ZNF609: variants seen among roughly 807,000 people sequenced by gnomAD.
The protein encoded by ZNF609 is zinc finger protein 609.
In ZNF609, 11 loss-of-function variants were observed where a neutral mutation model predicts 109.5. The observed-to-expected ratio is 0.10, with a 90% CI of 0.06 to 0.17. The LOEUF is 0.17. ZNF609 is among the 10% of genes least tolerant of loss of function. The probability of loss-of-function intolerance (pLI) is 1.00; values close to 1 mark genes in which losing one functional copy is unlikely to be tolerated. For missense variants in ZNF609, 1,559 were observed against 1,772.4 expected (o/e 0.88, Z 2.16); for synonymous variants, 646 against 662.0 (o/e 0.98, Z 0.37).
intron 2 of ZNF609, among the ~76,000 whole-genome samples, chr15:64,607,158 T>C (rs1218829857): frequency 7.6e-6 from 1 of 131,602 alleles, no homozygotes; most frequent in African/African-American, 2.8e-5. Context: ...AATAAATAAA[T>C]AAAGTAAAAA....
At chr15:64,541,038 A>C (rs1420851186) in intron 2 of ZNF609, among the ~76,000 whole-genome samples, 3 of 150,002 alleles carry the variant, frequency 2.0e-5, no homozygotes, top group Admixed American at 6.7e-5. Flanking sequence ...AAAAAAAAAA[A>C]AAAAAAAAAC....
At chr15:64,578,625 G>T (rs1197726318) in intron 2 of ZNF609, among the ~76,000 whole-genome samples, 1 of 152,154 alleles carries the variant, frequency 6.6e-6, no homozygotes, top group Non-Finnish European at 1.5e-5. Context: ...CCCGGGAGGT[G>T]GAGGTTGCAG....
rs1896772344 is a variant in ZNF609 at position 64,674,004 on chromosome 15, A to G, written c.1150A>G (p.Asn384Asp). 6.2e-7 allele frequency: 1 copy of G among 1,614,046 alleles called. No individual in the cohort carries two copies. The highest frequency in any genetic ancestry group is 8.5e-7 in the Non-Finnish European group (1 of 1,180,034). The change falls in exon 5 of 10, where the codon AAT becomes GAT. Residue 384 changes from asparagine to aspartate, a missense_variant. Around this residue, in one of 4 missense-constraint regions of ZNF609, gnomAD observed 1,204 missense variants for 1,314.1 expected, o/e 0.92. Transcript: ENST00000326648. Reference protein sequence around the residue: ...RMRPNSNTPVNETATASDSKG... With the variant: ...RMRPNSNTPVDETATASDSKG... ...GCGTCCCAACAGTAATACACCTGTC[A>G]ATGAGACAGCCACAGCCTCTGACAG...
chr15:64,679,074 T>G (rs1414028473), intron 6 of ZNF609, among the ~76,000 whole-genome samples: 1 of 152,184 alleles, frequency 6.6e-6, no homozygotes. Context: ...AAATGTTTTT[T>G]GTTTGTTTGT....
At position 64,674,691 on chromosome 15, in the gene ZNF609, C is replaced by T; in HGVS notation, c.1837C>T (p.Pro613Ser). The T allele has an allele frequency of 3.7e-6, 6 of 1,614,050 alleles. No individual in the cohort carries two copies. The highest frequency in any genetic ancestry group is 5.1e-6 in the Non-Finnish European group (6 of 1,180,032). The change falls in exon 5 of 10, where the codon CCC becomes TCC. Residue 613 changes from proline (P) to serine (S), a missense_variant. Coordinates refer to ENST00000326648, the MANE Select transcript of ZNF609 (RefSeq NM_015042.2). ...ATCCAATGATGGCTCTGATGATGGA[C>T]CCTCAGTGATGGATGAAACAAGCAA... ...ALSNDGSDDG[P>S]SVMDETSNDA...
At chr15:64,508,367 C>G (rs1272848846) in intron 2 of ZNF609, among the ~76,000 whole-genome samples, 1 of 152,124 alleles carries the variant, frequency 6.6e-6, no homozygotes, top group African/African-American at 2.4e-5. Flanking sequence ...CTTAATTTTC[C>G]TTTTTCTGGA....
At chr15:64,489,989 C>T (rs1044852085) in intron 1 of ZNF609, among the ~76,000 whole-genome samples, 8 of 152,260 alleles carry the variant, frequency 5.3e-5, no homozygotes, top group Middle Eastern at 3.4e-3. Context: ...GACAGCACCT[C>T]GCTCTGTCAC....
At chr15:64,652,286 A>C (rs959755587) in intron 3 of ZNF609, among the ~76,000 whole-genome samples, 14 of 152,064 alleles carry the variant, frequency 9.2e-5, no homozygotes, top group African/African-American at 3.4e-4. Flanking sequence ...GGCCTCCCAA[A>C]GTGCTCAGCT....
At position 64,549,486 on chromosome 15, in the gene ZNF609, A is replaced by G. The variant is rs181842229; in HGVS notation, c.747+49320A>G. Among the ~76,000 whole-genome samples the G allele has an allele frequency of 0.022, 3,279 of 152,190 alleles. 243 individuals carry two copies. The South Asian group carries it at 0.28, about 13-fold the overall frequency. ...CCACCGTGCCAAGACTGTTGTAAGA[A>G]GTGTATGTATATTTACTAATTTAAT... is the stretch of plus-strand genomic sequence containing the variant. On this transcript the variant is annotated intron_variant, in intron 2 of 9. Coordinates refer to ENST00000326648, the MANE Select transcript of ZNF609 (RefSeq NM_015042.2).
At chr15:64,536,939 A>AT (rs1337864131) in intron 2 of ZNF609, among the ~76,000 whole-genome samples, 4 of 120,826 alleles carry the variant, frequency 3.3e-5, no homozygotes, top group Non-Finnish European at 5.3e-5. Context: ...AAAAAAAAAA[A>AT]AGGCCGGGCA....
intron 2 of ZNF609, among the ~76,000 whole-genome samples, chr15:64,583,206 T>C (rs1029228790): frequency 6.6e-6 from 1 of 151,890 alleles, no homozygotes; most frequent in Non-Finnish European, 1.5e-5. Flanking sequence ...CTAATTTTTG[T>C]ATTTTTAGTA....
At chr15:64,602,977 C>A (rs1323557849) in intron 2 of ZNF609, among the ~76,000 whole-genome samples, 1 of 138,280 alleles carries the variant, frequency 7.2e-6, no homozygotes, top group Non-Finnish European at 1.5e-5. Context: ...GATCTCCTGA[C>A]CTTGTGATCT....
At chr15:64,533,060 T>G (rs2140373224) in intron 2 of ZNF609, among the ~76,000 whole-genome samples, 1 of 151,884 alleles carries the variant, frequency 6.6e-6, no homozygotes, top group Non-Finnish European at 1.5e-5. Flanking sequence ...ATTGCTGCTT[T>G]TTTTTTTTTG....
intron 3 of ZNF609, among the ~76,000 whole-genome samples, chr15:64,656,912 A>G (rs1028551490): frequency 6.6e-6 from 1 of 152,106 alleles, no homozygotes; most frequent in East Asian, 1.9e-4. Context: ...CAGTAGCCAT[A>G]TCTCTATTCT....
At chr15:64,660,679 A>T (rs565433160) in intron 3 of ZNF609, among the ~76,000 whole-genome samples, 45 of 152,018 alleles carry the variant, frequency 3.0e-4, no homozygotes, top group Middle Eastern at 6.8e-3. Flanking sequence ...CCCCTCATTT[A>T]TTCCACTACA....
At chr15:64,617,503 A>G (rs1307855215) in intron 2 of ZNF609, among the ~76,000 whole-genome samples, 1 of 151,794 alleles carries the variant, frequency 6.6e-6, no homozygotes, top group African/African-American at 2.4e-5. Flanking sequence ...AGAAAAGAGA[A>G]TTATCGCCAG....
At chr15:64,593,268 C>G in intron 2 of ZNF609, 1 of 1,513,720 alleles carries the variant, frequency 6.6e-7, no homozygotes. Context: ...GACCGAACAC[C>G]CCCACCCCGA....
chr15:64,599,214 C>A (rs1595733568), intron 2 of ZNF609, among the ~76,000 whole-genome samples: 2 of 69,406 alleles, frequency 2.9e-5, no homozygotes, highest in Non-Finnish European at 2.6e-5. Context: ...GAGAAGATAT[C>A]AAACAAAAAA....
Position 64,622,970 on chromosome 15 carries a change from C to T in ZNF609, c.891C>T (p.Ala297=). ...VGVNTCDVAL[A]TEPECLGPCE... ...TCAACACATGTGATGTGGCTCTGGCCACAGAGCCTGAGTGCTTGGGCCCCT... is the reference window on the plus strand; with the variant it reads ...TCAACACATGTGATGTGGCTCTGGCTACAGAGCCTGAGTGCTTGGGCCCCT... The change falls in exon 3 of 10, where the codon GCC becomes GCT. Residue 297 remains alanine (A), a synonymous_variant. Coordinates refer to ENST00000326648, the MANE Select transcript of ZNF609 (RefSeq NM_015042.2). 1 of 1,614,230 alleles carries T rather than the reference C, an allele frequency of 6.2e-7. No individual in the cohort carries two copies. Among genetic ancestry groups the T allele is most frequent in the South Asian group, 1.1e-5 (1 of 91,086 alleles).
Sources: allele counts gnomAD v4.1 joint callset (sites outside exome capture counted in the v4.1 genomes callset), GRCh38; gene constraint gnomAD v4.1.1; regional missense constraint gnomAD v4.1.1; transcripts MANE v1.5; gene names NCBI Gene and HGNC (gene_info 2026-07-23, HGNC 2026-07-21).